NPFFR2: variants seen among roughly 807,000 people sequenced by gnomAD.
The protein encoded by NPFFR2 is neuropeptide FF receptor 2.
Under a neutral mutation model 13.1 loss-of-function variants are expected in NPFFR2, and 15 were observed. That is an observed-to-expected ratio of 1.15 (90% CI 0.77 to 1.76). NPFFR2 has a LOEUF of 1.76. Among genes scored for constraint, NPFFR2 ranks in the 40% most tolerant of loss-of-function variants. The pLI, the probability that NPFFR2 is intolerant of heterozygous loss-of-function variation, is 0.00. For synonymous variants in NPFFR2, 190 were observed against 175.7 expected, an observed-to-expected ratio of 1.08 and a Z score of -0.65; for missense variants, 572 against 503.5, an observed-to-expected ratio of 1.14 and a Z score of -1.30.
At chr4:72,044,262 G>A (rs1023268888) in intron 1 of NPFFR2, among the ~76,000 whole-genome samples, 4 of 152,174 alleles carry the variant, frequency 2.6e-5, no homozygotes, top group African/African-American at 9.7e-5. Flanking sequence ...AGCAGCATGA[G>A]AATGAACTAA....
intron 1 of NPFFR2, among the ~76,000 whole-genome samples, chr4:72,080,153 G>GT (rs372527603): frequency 6.9e-4 from 5 of 7,298 alleles, no homozygotes; most frequent in Admixed American, 7.5e-3. Context: ...TGTTGTTGTT[G>GT]TTGTTTTTTT....
chr4:72,081,042 C>A (rs928229845), intron 1 of NPFFR2, among the ~76,000 whole-genome samples: 1 of 152,204 alleles, frequency 6.6e-6, no homozygotes, highest in Non-Finnish European at 1.5e-5. Context: ...TCACTGCCAA[C>A]TCCTAGTGGT....
chr4:72,037,692 G>A (rs942151695), intron 1 of NPFFR2, among the ~76,000 whole-genome samples: 4 of 152,108 alleles, frequency 2.6e-5, no homozygotes, highest in African/African-American at 9.7e-5. Context: ...TTTTGTCCTT[G>A]GGTAGCCGTT....
At chr4:72,112,259 C>CAG (rs139491297) in intron 1 of NPFFR2, among the ~76,000 whole-genome samples, 39,225 of 151,822 alleles carry the variant, frequency 0.26, 6,224 homozygotes, top group Admixed American at 0.34. Flanking sequence ...GAGGGAGGAT[C>CAG]AGAGCAGCTC....
intron 1 of NPFFR2, among the ~76,000 whole-genome samples, chr4:72,057,553 G>C (rs1232074352): frequency 6.6e-6 from 1 of 151,848 alleles, no homozygotes; most frequent in Non-Finnish European, 1.5e-5. Flanking sequence ...CTCTTACAAG[G>C]ATATCTTTCA....
At chr4:72,087,968 G>A (rs1249493409) in intron 1 of NPFFR2, among the ~76,000 whole-genome samples, 1 of 151,914 alleles carries the variant, frequency 6.6e-6, no homozygotes, top group African/African-American at 2.4e-5. Context: ...AGTGTACCTT[G>A]AAAATTAAAT....
Position 72,060,589 on chromosome 4 carries a change from C to A in NPFFR2, c.-8+28389C>A, listed in dbSNP as rs182997807. On this transcript the variant is annotated intron_variant, in intron 1 of 3. Transcript: ENST00000308744. ...GTAGATTAATGTTGAATTTAATGAA[C>A]CAAGAAAACAGATTTATTCCAGTTG... 2.8e-4 allele frequency among the ~76,000 whole-genome samples: 43 copies of A among 152,122 alleles called. 2 individuals are homozygous for A. The East Asian group carries it at 7.7e-3, about 27-fold the overall frequency.
chr4:72,141,654 T>C (rs1473302061), intron 3 of NPFFR2, among the ~76,000 whole-genome samples: 1 of 152,158 alleles, frequency 6.6e-6, no homozygotes, highest in Non-Finnish European at 1.5e-5. Context: ...TTCTTTTACA[T>C]TTGCTGAGGA....
intron 1 of NPFFR2, among the ~76,000 whole-genome samples, chr4:72,118,646 G>T (rs1225136251): frequency 6.6e-6 from 1 of 151,806 alleles, no homozygotes; most frequent in Non-Finnish European, 1.5e-5. Flanking sequence ...TAACAACCAA[G>T]AAATTACAAA....
At chr4:72,033,664 T>C (rs1170979427) in intron 1 of NPFFR2, among the ~76,000 whole-genome samples, 1 of 152,204 alleles carries the variant, frequency 6.6e-6, no homozygotes, top group Non-Finnish European at 1.5e-5. Context: ...ATCTGGCAGT[T>C]TTATTCTTGG....
chr4:72,077,585 C>T (rs1364696405), intron 1 of NPFFR2, among the ~76,000 whole-genome samples: 1 of 152,054 alleles, frequency 6.6e-6, no homozygotes, highest in African/African-American at 2.4e-5. Flanking sequence ...AATTAGCATT[C>T]CTAAAAGGTT....
intron 3 of NPFFR2, among the ~76,000 whole-genome samples, chr4:72,141,208 C>T (rs1212105016): frequency 2.0e-5 from 3 of 151,618 alleles, no homozygotes; most frequent in Non-Finnish European, 4.4e-5. Flanking sequence ...AAAAAAAAAC[C>T]AGCTCCTGGA....
chr4:72,132,801 T>G (rs1360595185), intron 2 of NPFFR2, among the ~76,000 whole-genome samples: 1 of 152,208 alleles, frequency 6.6e-6, no homozygotes, highest in African/African-American at 2.4e-5. Context: ...TGTCTTCTTT[T>G]GAAAAATATC....
rs762547378 is a variant in NPFFR2, at chr4:72,066,422, A to C, written c.-8+34222A>C. Among the ~76,000 whole-genome samples, 36 of 152,270 alleles carry C rather than the reference A, an allele frequency of 2.4e-4. No individual in the cohort carries two copies. In the Middle Eastern group the frequency reaches 0.02, roughly 86 times the overall value. On this transcript the variant is annotated intron_variant, in intron 1 of 3. Transcript: ENST00000308744. The stretch of plus-strand genomic sequence containing the variant: ...CTTAGATGAAAAATATATTCAGTCC[A>C]TTCCCATAGCCCCTAAAGTATTAAC...
At chr4:72,121,103 TAAAC>T (rs1393381484) in intron 1 of NPFFR2, among the ~76,000 whole-genome samples, 4 of 151,778 alleles carry the variant, frequency 2.6e-5, no homozygotes, top group East Asian at 3.9e-4. Flanking sequence ...TCATGAAACA[TAAAC>T]AACTATCAAT....
intron 2 of NPFFR2, among the ~76,000 whole-genome samples, chr4:72,130,819 G>T (rs1466317921): frequency 2.0e-5 from 3 of 152,176 alleles, no homozygotes. Context: ...TCAGTGGAGG[G>T]TCAGGGTGAC....
chr4:72,071,897 C>T (rs1389496075), intron 1 of NPFFR2, among the ~76,000 whole-genome samples: 2 of 152,044 alleles, frequency 1.3e-5, no homozygotes, highest in African/African-American at 4.8e-5. Flanking sequence ...CTTTGTGAGC[C>T]AGACATTGAA....
At chr4:72,101,779 G>A (rs1359886067) in intron 1 of NPFFR2, among the ~76,000 whole-genome samples, 1 of 151,988 alleles carries the variant, frequency 6.6e-6, no homozygotes. Flanking sequence ...TAATCAGCTG[G>A]AACAGAGTGT....
chr4:72,062,687 A>G (rs1423323624), intron 1 of NPFFR2, among the ~76,000 whole-genome samples: 1 of 152,188 alleles, frequency 6.6e-6, no homozygotes, highest in African/African-American at 2.4e-5. Context: ...ATGGTACTCC[A>G]GGTTGAGGCT....
Sources: gnomAD v4.1 joint callset for allele counts (sites outside exome capture counted in the v4.1 genomes callset) on GRCh38, gnomAD v4.1.1 for gene constraint, MANE v1.5 for transcripts, NCBI Gene and HGNC (gene_info 2026-07-23, HGNC 2026-07-21) for gene names.